Variants in ANKS1B observed in about 807,000 individuals in gnomAD.
The protein encoded by ANKS1B is ankyrin repeat and sterile alpha motif domain-containing protein 1B.
In ANKS1B, 36 loss-of-function variants were observed where a neutral mutation model predicts 148.3. The ratio of observed to expected loss-of-function variants is 0.24; its 90% CI spans 0.19 to 0.32. ANKS1B has a LOEUF of 0.32. ANKS1B is among the 10% of genes least tolerant of loss of function. ANKS1B has a pLI of 1.00. For synonymous variants in ANKS1B, 542 were observed against 560.8 expected (o/e 0.97, Z 0.47); for missense variants, 1,157 against 1,542.6 (o/e 0.75, Z 4.19).
At chr12:99,837,920 A>G (rs1344370817) in intron 1 of ANKS1B, among the ~76,000 whole-genome samples, 1 of 148,160 alleles carries the variant, frequency 6.7e-6, no homozygotes, top group African/African-American at 2.5e-5. Context: ...TTAATCCCTC[A>G]CCGCCCAACC....
intron 12 of ANKS1B, among the ~76,000 whole-genome samples, chr12:99,366,353 T>C (rs1018749142): frequency 6.6e-6 from 1 of 152,192 alleles, no homozygotes; most frequent in African/African-American, 2.4e-5. Context: ...CACTAATGGC[T>C]TCTTGCTTTT....
intron 8 of ANKS1B, among the ~76,000 whole-genome samples, chr12:99,708,210 TGGAAATGACAGAATACATCAGTA>T (rs1479348629): frequency 6.6e-6 from 1 of 152,144 alleles, no homozygotes; most frequent in Non-Finnish European, 1.5e-5. Context: ...GACAAGGGGT[TGGAAATGACAGAATACATCAGTA>T]TGGAAGTCTC....
intron 17 of ANKS1B, among the ~76,000 whole-genome samples, chr12:99,007,039 A>C (rs977373440): frequency 6.8e-6 from 1 of 146,248 alleles, no homozygotes; most frequent in Admixed American, 6.8e-5. Context: ...ATTAAAACCC[A>C]AAATAGATAT....
intron 2 of ANKS1B, among the ~76,000 whole-genome samples, chr12:99,819,259 A>C (rs767585145): frequency 6.6e-6 from 1 of 151,852 alleles, no homozygotes; most frequent in African/African-American, 2.4e-5. Context: ...TGTTGAATTC[A>C]CTCTCATAGA....
chr12:99,642,057 G>A (rs2098313470), intron 9 of ANKS1B, among the ~76,000 whole-genome samples: 1 of 152,116 alleles, frequency 6.6e-6, no homozygotes, highest in Non-Finnish European at 1.5e-5. Context: ...CTCAATAAGT[G>A]TTAGATATCA....
At chr12:98,919,038 A>T (rs1467608701) in intron 17 of ANKS1B, among the ~76,000 whole-genome samples, 1 of 152,116 alleles carries the variant, frequency 6.6e-6, no homozygotes, top group Non-Finnish European at 1.5e-5. Context: ...CGGAAGTTTT[A>T]TATTTTTCAA....
intron 1 of ANKS1B, among the ~76,000 whole-genome samples, chr12:99,829,702 T>C (rs2083686114): frequency 6.6e-6 from 1 of 151,816 alleles, no homozygotes; most frequent in Non-Finnish European, 1.5e-5. Flanking sequence ...TGGTGGTGCA[T>C]GCCTGTAGTC....
chr12:99,966,792 C>T (rs1326945190), intron 1 of ANKS1B, among the ~76,000 whole-genome samples: 1 of 152,146 alleles, frequency 6.6e-6, no homozygotes, highest in African/African-American at 2.4e-5. Context: ...TTACTAGGAA[C>T]CCATTAATCT....
chr12:99,631,025 A>G (rs1414908809), intron 9 of ANKS1B, among the ~76,000 whole-genome samples: 1 of 152,166 alleles, frequency 6.6e-6, no homozygotes, highest in East Asian at 1.9e-4. Context: ...GTTCTCCTGT[A>G]CATGCTCTCT....
At chr12:98,850,746 C>T (rs1255836804) in intron 17 of ANKS1B, among the ~76,000 whole-genome samples, 3 of 150,486 alleles carry the variant, frequency 2.0e-5, no homozygotes, top group Non-Finnish European at 4.4e-5. Flanking sequence ...GGATTACAGG[C>T]GTGAGCCACC....
In ANKS1B at chr12:98,800,675, G is replaced by GAGATATATATATAT. The variant is rs1555338103; in HGVS notation, c.3270+321_3270+322insATATATATATATCT. Among the ~76,000 whole-genome samples the GAGATATATATATAT allele has an allele frequency of 2.0e-5, 2 of 99,650 alleles. 1 individual carries two copies. The highest frequency in any genetic ancestry group is 4.3e-5 in the Non-Finnish European group (2 of 46,348). 65.4% of individuals were successfully genotyped at this position (99,650 alleles called of 152,430 possible). On this transcript the variant is annotated intron_variant, in intron 21 of 26. Transcript: ENST00000683438. The stretch of plus-strand genomic sequence containing the variant: ...ACCCAGTGTTTGGTGAGTGAGCAGA[G>GAGATATATATATAT]ATATATATATATATATGCCATATTT...
chr12:99,532,781 T>C (rs1472568336), intron 9 of ANKS1B, among the ~76,000 whole-genome samples: 1 of 152,238 alleles, frequency 6.6e-6, no homozygotes, highest in Non-Finnish European at 1.5e-5. Context: ...AAATAGGATG[T>C]CCTTTCCCCA....
intron 1 of ANKS1B, among the ~76,000 whole-genome samples, chr12:99,831,532 G>A (rs2083993840): frequency 1.3e-5 from 2 of 152,112 alleles, no homozygotes; most frequent in Admixed American, 1.3e-4. Context: ...TAAAAATTAT[G>A]GATTTTGATA....
intron 12 of ANKS1B, among the ~76,000 whole-genome samples, chr12:99,251,820 A>G (rs1160013218): frequency 6.6e-6 from 1 of 152,160 alleles, no homozygotes; most frequent in African/African-American, 2.4e-5. Flanking sequence ...AATTTTTCCT[A>G]TTTTTAAGGA....
rs1227722926 is a variant in ANKS1B at position 98,895,215 on chromosome 12, T to G, written c.2779-63079A>C. ...CTGCAGGGCGCCTAGCACTGGGGGTTGCCGGCGCGCGGGGGCCTCCTCCTG... is the reference window on the plus strand; with the variant it reads ...CTGCAGGGCGCCTAGCACTGGGGGTGGCCGGCGCGCGGGGGCCTCCTCCTG... On this transcript the variant is annotated intron_variant, in intron 17 of 26. Coordinates refer to ENST00000683438, the MANE Select transcript of ANKS1B (RefSeq NM_001352186.2). 3.0e-6 allele frequency: 3 copies of G among 985,120 alleles called. No individual in the cohort carries two copies. In the African/African-American group the frequency reaches 5.3e-5, roughly 17 times the overall value. 61.0% of individuals were successfully genotyped at this position (985,120 alleles called of 1,614,324 possible). A position where few individuals can be genotyped will look rare whatever the true frequency, so the allele number is the denominator to read the frequency against.
chr12:99,162,265 CTG>C (rs1269618199), intron 14 of ANKS1B, among the ~76,000 whole-genome samples: 3 of 152,018 alleles, frequency 2.0e-5, no homozygotes, highest in African/African-American at 7.2e-5. Flanking sequence ...TTGCACAACT[CTG>C]TGACTACACT....
chr12:99,952,898 C>A (rs899816765), intron 1 of ANKS1B, among the ~76,000 whole-genome samples: 2 of 152,154 alleles, frequency 1.3e-5, no homozygotes, highest in African/African-American at 4.8e-5. Flanking sequence ...TCTTCTACTG[C>A]CATTTCAGTG....
At position 99,155,106 on chromosome 12, in the gene ANKS1B, G is replaced by A. The variant is rs558634872; in HGVS notation, c.2420-711C>T. 4.0e-6 allele frequency: 6 copies of A among 1,512,012 alleles called. No individual in the cohort carries two copies. The South Asian group carries it at 6.2e-5, about 16-fold the overall frequency. 93.7% of individuals were successfully genotyped at this position (1,512,012 alleles called of 1,614,324 possible). The stretch of plus-strand genomic sequence containing the variant: ...TATACGTTACAGAGCTATTTGTTGT[G>A]GAATTTTACGTTTCAAAAGACACCA... On this transcript the variant is annotated intron_variant, in intron 14 of 26. Transcript: ENST00000683438.
intron 19 of ANKS1B, among the ~76,000 whole-genome samples, chr12:98,812,939 C>T (rs531366910): frequency 4.1e-4 from 63 of 152,250 alleles, no homozygotes; most frequent in African/African-American, 1.3e-3. Flanking sequence ...ACAGAGCAAG[C>T]GACTTAAGGC....
Sources: allele counts gnomAD v4.1 joint callset (sites outside exome capture counted in the v4.1 genomes callset), GRCh38; gene constraint gnomAD v4.1.1; transcripts MANE v1.5; gene names NCBI Gene and HGNC (gene_info 2026-07-23, HGNC 2026-07-21).